The following SPINK13 variants were observed in gnomAD, a reference collection of about 807,000 sequenced individuals.
The protein encoded by SPINK13 is serine protease inhibitor Kazal-type 13.
Under a neutral mutation model 11.0 loss-of-function variants are expected in SPINK13, and 11 were observed. The ratio of observed to expected loss-of-function variants is 1.00; its 90% confidence interval spans 0.63 to 1.65. SPINK13 has a LOEUF of 1.65. Among genes scored for constraint, SPINK13 ranks in the 40% most tolerant of loss-of-function variants. The pLI is 0.00. For synonymous variants in SPINK13, 31 were observed against 35.6 expected (o/e 0.87, Z 0.46); for missense variants, 113 against 117.7 (o/e 0.96, Z 0.19).
chr5:148,278,599 C>A (rs1030037757), intron 3 of SPINK13, among the ~76,000 whole-genome samples: 2 of 152,120 alleles, frequency 1.3e-5, no homozygotes, highest in Non-Finnish European at 2.9e-5. Flanking sequence ...TTTCTTAATC[C>A]TGAGTTGTAC....
intron 3 of SPINK13, 53 bp from the exon 4 acceptor site, chr5:148,282,051 A>G: frequency 6.2e-7 from 1 of 1,601,144 alleles, no homozygotes; most frequent in South Asian, 1.1e-5. Flanking sequence ...ACAGGAAGAA[A>G]TAGATGGGAG....
chr5:148,277,112 T>A (rs1309251029), intron 3 of SPINK13, among the ~76,000 whole-genome samples: 1 of 152,248 alleles, frequency 6.6e-6, no homozygotes, highest in Admixed American at 6.5e-5. Context: ...CTTGTGATTT[T>A]TGCACATTGA....
chr5:148,280,976 C>T (rs1040403194), intron 3 of SPINK13, among the ~76,000 whole-genome samples: 10 of 152,190 alleles, frequency 6.6e-5, no homozygotes, highest in African/African-American at 1.9e-4. Context: ...TCAGTGATGC[C>T]CTGCCCAGAG....
intron 3 of SPINK13, among the ~76,000 whole-genome samples, chr5:148,281,223 G>A (rs985283376): frequency 6.6e-6 from 1 of 152,194 alleles, no homozygotes; most frequent in African/African-American, 2.4e-5. Flanking sequence ...GCTGGGCTCT[G>A]TGGGGATGGG....
At chr5:148,285,881 A>T in intron 4 of SPINK13, 119 bp from the exon 5 acceptor site, 1 of 542,980 alleles carries the variant, frequency 1.8e-6, no homozygotes, top group Non-Finnish European at 3.3e-6. Flanking sequence ...AAGGATGTAA[A>T]GGGAATTTAA....
At chr5:148,283,330 G>A (rs1372601570) in intron 4 of SPINK13, among the ~76,000 whole-genome samples, 3 of 152,148 alleles carry the variant, frequency 2.0e-5, no homozygotes, top group Non-Finnish European at 4.4e-5. Flanking sequence ...ACAACAACAG[G>A]TGTTCATTAT....
Position 148,272,593 on chromosome 5 carries a change from G to A in SPINK13, c.71-1754G>A, listed in dbSNP as rs983441171. On this transcript the variant is annotated intron_variant, in intron 2 of 4. Transcript: ENST00000398450. ...ATTTCTGGACTCTATCCTTTTCACTGATCTATTTGTTTATCTTTATGCCAA... is the reference window on the plus strand; with the variant it reads ...ATTTCTGGACTCTATCCTTTTCACTAATCTATTTGTTTATCTTTATGCCAA... Among the ~76,000 whole-genome samples, 4 of 152,014 alleles carry A rather than the reference G, an allele frequency of 2.6e-5. No homozygotes were observed. The South Asian group carries it at 8.3e-4, about 31-fold the overall frequency.
rs567259221 is a variant in SPINK13 at position 148,277,178 on chromosome 5, T to C, written c.108+2794T>C. Among the ~76,000 whole-genome samples, 6 of 152,376 alleles carry C rather than the reference T, an allele frequency of 3.9e-5. No individual in the cohort carries two copies. In the East Asian group the frequency reaches 7.7e-4, roughly 20 times the overall value. ...TTATCAGCTTAAGGAATTTTTGGGC[T>C]GAGATGATGGAGTTTTCTAAATATA... On this transcript the variant is annotated intron_variant, in intron 3 of 4. Transcript: ENST00000398450.
Position 148,282,914 on chromosome 5 carries a change from G to T in SPINK13, c.236+683G>T, listed in dbSNP as rs551271694. Among the ~76,000 whole-genome samples the T allele has an allele frequency of 7.9e-5, 12 of 152,214 alleles. No individual in the cohort carries two copies. In the South Asian group the frequency reaches 2.5e-3, roughly 32 times the overall value. ...GACCTGTGAGATCTTCTCTGTTGAGGTTCCCCAAGACTATCTTCAGGCTTG... is the reference window on the plus strand; with the variant it reads ...GACCTGTGAGATCTTCTCTGTTGAGTTTCCCCAAGACTATCTTCAGGCTTG... On this transcript the variant is annotated intron_variant, in intron 4 of 4. Coordinates refer to ENST00000398450, the MANE Select transcript of SPINK13 (RefSeq NM_001040129.3).
intron 2 of SPINK13, among the ~76,000 whole-genome samples, chr5:148,273,671 C>T (rs1001895793): frequency 5.9e-5 from 9 of 152,242 alleles, no homozygotes; most frequent in African/African-American, 1.9e-4. Flanking sequence ...TTCTAAATAT[C>T]GTGCAGAATT....
intron 3 of SPINK13, among the ~76,000 whole-genome samples, chr5:148,276,337 T>G (rs1293926707): frequency 6.6e-6 from 1 of 152,214 alleles, no homozygotes; most frequent in Admixed American, 6.5e-5. Context: ...TGTTGCCAAT[T>G]GCTTTTGGTG....
At chr5:148,284,811 T>G (rs1429823459) in intron 4 of SPINK13, among the ~76,000 whole-genome samples, 1 of 152,166 alleles carries the variant, frequency 6.6e-6, no homozygotes, top group Non-Finnish European at 1.5e-5. Context: ...AAGACTTGGC[T>G]AGAATTTATA....
At chr5:148,269,386 A>G (rs751996860) in intron 1 of SPINK13, among the ~76,000 whole-genome samples, 4 of 152,096 alleles carry the variant, frequency 2.6e-5, no homozygotes, top group Non-Finnish European at 5.9e-5. Flanking sequence ...GTCATATGTC[A>G]TATGTTTTTT....
chr5:148,282,463 C>T (rs1265819684), intron 4 of SPINK13, among the ~76,000 whole-genome samples: 3 of 152,006 alleles, frequency 2.0e-5, no homozygotes, highest in African/African-American at 7.3e-5. Flanking sequence ...ACATAATGTT[C>T]TGGGAGAACT....
intron 3 of SPINK13, among the ~76,000 whole-genome samples, chr5:148,281,380 C>A (rs1756512365): frequency 6.6e-6 from 1 of 152,134 alleles, no homozygotes; most frequent in Non-Finnish European, 1.5e-5. Context: ...AAATGGGCAC[C>A]CAGTTTTGTG....
intron 3 of SPINK13, 31 bp from the exon 4 acceptor site, chr5:148,282,073 T>A (rs775677194): frequency 1.2e-6 from 2 of 1,611,808 alleles, no homozygotes; most frequent in Non-Finnish European, 8.5e-7. Flanking sequence ...GAGTGTATTA[T>A]TTGTCACTTT....
chr5:148,273,512 C>A (rs1756380330), intron 2 of SPINK13, among the ~76,000 whole-genome samples: 2 of 151,916 alleles, frequency 1.3e-5, no homozygotes, highest in South Asian at 4.1e-4. Flanking sequence ...TTTCTTATAA[C>A]TATATCCAGC....
At position 148,270,123 on chromosome 5, in the gene SPINK13, G is replaced by A. The variant is rs1756329123; in HGVS notation, c.51G>A (p.Leu17=). 3 of 1,613,912 alleles carry A rather than the reference G, an allele frequency of 1.9e-6. No homozygotes were observed. The East Asian group carries it at 6.7e-5, about 36-fold the overall frequency. Residue 17 remains leucine (L), a synonymous_variant, in exon 2 of 5, where the codon TTG becomes TTA. Coordinates refer to ENST00000398450, the MANE Select transcript of SPINK13 (RefSeq NM_001040129.3). ...KIIFFLVCST[L]THVAFSGIFN... ...TATTTTTCCTGGTATGCTCTACTTT[G>A]ACACATGTGGCTTTCTCAGGTGAGT...
At chr5:148,269,289 A>T (rs1333064643) in intron 1 of SPINK13, among the ~76,000 whole-genome samples, 2 of 152,188 alleles carry the variant, frequency 1.3e-5, no homozygotes, top group Non-Finnish European at 2.9e-5. Context: ...TCTGAGGCCT[A>T]CACTTCTCAG....
Sources: gnomAD v4.1 joint callset for allele counts (sites outside exome capture counted in the v4.1 genomes callset) on GRCh38, gnomAD v4.1.1 for gene constraint, MANE v1.5 for transcripts, NCBI Gene and HGNC (gene_info 2026-07-23, HGNC 2026-07-21) for gene names.